PDE4D: variants seen among roughly 807,000 people sequenced by gnomAD.
The protein encoded by PDE4D is 3',5'-cyclic-AMP phosphodiesterase 4D.
Under a neutral mutation model 87.4 loss-of-function variants are expected in PDE4D, and 24 were observed. The observed-to-expected ratio is 0.27, with a 90% confidence interval of 0.20 to 0.39. The LOEUF is 0.39. Among genes scored for constraint, PDE4D ranks in the 10% least tolerant of loss-of-function variants. PDE4D has a pLI of 1.00. For missense variants in PDE4D, 714 were observed against 1,041.0 expected (o/e 0.69, Z 4.32); for synonymous variants, 384 against 383.2 (o/e 1.00, Z -0.02).
At chr5:60,466,808 G>A (rs1359612825) in intron 1 of PDE4D, among the ~76,000 whole-genome samples, 2 of 151,786 alleles carry the variant, frequency 1.3e-5, no homozygotes, top group Non-Finnish European at 2.9e-5. Context: ...CTGCCCCTTC[G>A]TTGTTCTCAG....
intron 1 of PDE4D, among the ~76,000 whole-genome samples, chr5:59,262,853 C>T (rs914056175): frequency 6.6e-6 from 1 of 151,918 alleles, no homozygotes; most frequent in Non-Finnish European, 1.5e-5. Flanking sequence ...TCTATATGCA[C>T]TACTCTTTAC....
chr5:60,077,054 C>A (rs562513847), intron 2 of PDE4D, among the ~76,000 whole-genome samples: 1 of 152,278 alleles, frequency 6.6e-6, no homozygotes, highest in East Asian at 1.9e-4. Flanking sequence ...TTCATGCAGG[C>A]AGTGGTGGCT....
intron 5 of PDE4D, among the ~76,000 whole-genome samples, chr5:59,078,125 A>G (rs1766030225): frequency 6.6e-6 from 1 of 152,106 alleles, no homozygotes; most frequent in South Asian, 2.1e-4. Context: ...TGATTTAAAA[A>G]CCAATGTAAT....
chr5:59,832,237 G>C (rs1220720586), intron 1 of PDE4D, among the ~76,000 whole-genome samples: 1 of 152,060 alleles, frequency 6.6e-6, no homozygotes, highest in Non-Finnish European at 1.5e-5. Flanking sequence ...ACTCAAAGTA[G>C]TGTGGTTTAG....
chr5:60,316,946 C>A (rs983222899), intron 1 of PDE4D, among the ~76,000 whole-genome samples: 2 of 152,078 alleles, frequency 1.3e-5, no homozygotes, highest in Non-Finnish European at 2.9e-5. Context: ...GTCTAAAATT[C>A]TCTTTTTTTG....
chr5:59,538,266 G>A (rs936160691), intron 1 of PDE4D, among the ~76,000 whole-genome samples: 9 of 152,148 alleles, frequency 5.9e-5, no homozygotes, highest in African/African-American at 1.9e-4. Flanking sequence ...CCTCTGCTGT[G>A]AAAAAGCATG....
chr5:59,892,896 CCACACACACACACACACACACA>C (rs70975348), intron 1 of PDE4D, among the ~76,000 whole-genome samples: 1 of 143,886 alleles, frequency 6.9e-6, no homozygotes, highest in Admixed American at 6.9e-5. Flanking sequence ...AGCGCGCGCA[CCACACACACACACACACACACA>C]CACACACACA....
intron 2 of PDE4D, among the ~76,000 whole-genome samples, chr5:60,066,913 C>G (rs1382575807): frequency 6.6e-6 from 1 of 152,082 alleles, no homozygotes; most frequent in Non-Finnish European, 1.5e-5. Context: ...ATTATGTGGT[C>G]ATCTGTCACC....
Position 59,751,574 on chromosome 5 carries a change from G to GGTGTGTGTGTGTGTGTGT in PDE4D, c.455+141576_455+141593dup, listed in dbSNP as rs57407769. ...GTTTCTTTTATACATATAAATCCCT[G>GGTGTGTGTGTGTGTGTGT]GTGTGTGTGTGTGTGTGTGTGTGTG... On this transcript the variant is annotated intron_variant, in intron 1 of 14. Coordinates refer to ENST00000340635, the MANE Select transcript of PDE4D (RefSeq NM_001104631.2). Among the ~76,000 whole-genome samples, 341 of 142,722 alleles carry GGTGTGTGTGTGTGTGTGT rather than the reference G, an allele frequency of 2.4e-3. 1 individual carries two copies. The highest frequency in any genetic ancestry group is 8.1e-3 in the African/African-American group (307 of 37,820). 93.6% of individuals were successfully genotyped at this position (142,722 alleles called of 152,430 possible). A position where few individuals can be genotyped will look rare whatever the true frequency, so the allele number is the denominator to read the frequency against.
chr5:59,760,893 C>T (rs1286909002), intron 1 of PDE4D, among the ~76,000 whole-genome samples: 1 of 152,102 alleles, frequency 6.6e-6, no homozygotes, highest in Non-Finnish European at 1.5e-5. Context: ...GTGATACTGA[C>T]AGCTATAGTA....
chr5:59,427,090 G>T (rs1035518734), intron 1 of PDE4D, among the ~76,000 whole-genome samples: 5 of 142,652 alleles, frequency 3.5e-5, no homozygotes, highest in African/African-American at 1.3e-4. Flanking sequence ...ATACAGAAGT[G>T]AATTATTTCA....
chr5:60,302,409 G>A (rs1753982099), intron 1 of PDE4D, among the ~76,000 whole-genome samples: 2 of 152,114 alleles, frequency 1.3e-5, no homozygotes, highest in Non-Finnish European at 2.9e-5. Context: ...AGGTGTATGT[G>A]TCCAGGAATT....
intron 5 of PDE4D, among the ~76,000 whole-genome samples, chr5:59,091,865 G>A (rs904616825): frequency 6.6e-6 from 1 of 151,968 alleles, no homozygotes; most frequent in Non-Finnish European, 1.5e-5. Context: ...TTATTTGGGG[G>A]CTTTTACTTC....
At chr5:60,169,212 A>G (rs536913880) in intron 2 of PDE4D, among the ~76,000 whole-genome samples, 65 of 152,276 alleles carry the variant, frequency 4.3e-4, no homozygotes, top group African/African-American at 1.5e-3. Context: ...GAGAAAAACC[A>G]TAAGAATGTT....
intron 1 of PDE4D, among the ~76,000 whole-genome samples, chr5:59,636,175 G>A (rs1445012315): frequency 6.6e-6 from 1 of 152,074 alleles, no homozygotes; most frequent in East Asian, 1.9e-4. Context: ...AACTTACAAG[G>A]GATGTGAAGG....
chr5:58,979,514 G>A (rs543160682), intron 11 of PDE4D, among the ~76,000 whole-genome samples: 2 of 152,248 alleles, frequency 1.3e-5, no homozygotes, highest in Admixed American at 6.5e-5. Context: ...TGGGAGGTAG[G>A]AGTCTGCAGC....
chr5:59,027,756 A>T (rs959670571), intron 6 of PDE4D, among the ~76,000 whole-genome samples: 2 of 152,020 alleles, frequency 1.3e-5, no homozygotes, highest in Non-Finnish European at 2.9e-5. Context: ...CTCATCTTAC[A>T]TATTTCCTTC....
intron 1 of PDE4D, among the ~76,000 whole-genome samples, chr5:59,403,641 A>G (rs1791089078): frequency 6.6e-6 from 1 of 152,088 alleles, no homozygotes; most frequent in Non-Finnish European, 1.5e-5. Context: ...ACAGGATCTC[A>G]TTTCTTTCTA....
At chr5:59,621,093 A>C (rs539898576) in intron 1 of PDE4D, among the ~76,000 whole-genome samples, 1 of 151,926 alleles carries the variant, frequency 6.6e-6, no homozygotes, top group African/African-American at 2.4e-5. Flanking sequence ...AAGTTCAATT[A>C]GGCAAGTTAG....
Sources: allele counts gnomAD v4.1 joint callset (sites outside exome capture counted in the v4.1 genomes callset), GRCh38; gene constraint gnomAD v4.1.1; transcripts MANE v1.5; gene names NCBI Gene and HGNC (gene_info 2026-07-23, HGNC 2026-07-21).